PITPNM2: variants seen among roughly 807,000 people sequenced by gnomAD.
PITPNM2 encodes phosphatidylinositol transfer protein membrane associated 2.
In PITPNM2, 35 loss-of-function variants were observed where a neutral mutation model predicts 132.2. The observed-to-expected ratio is 0.26, with a 90% CI of 0.20 to 0.35. The LOEUF (loss-of-function observed/expected upper bound fraction) is 0.35, where lower values mean the gene tolerates loss of function less well. Among genes scored for constraint, PITPNM2 ranks in the 10% least tolerant of loss-of-function variants. PITPNM2 has a pLI of 1.00. For synonymous variants in PITPNM2, 738 were observed against 799.2 expected, an observed-to-expected ratio of 0.92 and a Z score of 1.29; for missense variants, 1,332 against 1,912.0, an observed-to-expected ratio of 0.70 and a Z score of 5.66.
At chr12:123,017,982 C>T (rs2039493135) in intron 3 of PITPNM2, among the ~76,000 whole-genome samples, 1 of 121,558 alleles carries the variant, frequency 8.2e-6, no homozygotes, top group Non-Finnish European at 1.7e-5. Flanking sequence ...CTTTCTCTCA[C>T]TTTTCCTTCC....
At position 123,000,741 on chromosome 12, in the gene PITPNM2, G is replaced by A. The variant is rs766070797; in HGVS notation, c.1224+37C>T. The A allele has an allele frequency of 3.1e-6, 5 of 1,607,026 alleles. No homozygotes were observed. Among genetic ancestry groups the A allele is most frequent in the East Asian group, 4.5e-5 (2 of 44,846 alleles). On this transcript the variant is annotated intron_variant, in intron 10 of 25. Coordinates refer to ENST00000320201, the MANE Select transcript of PITPNM2 (RefSeq NM_020845.3). The surrounding 1 kb of genome is among the most constrained non-coding windows in gnomAD (Gnocchi z 5.4). The stretch of plus-strand genomic sequence containing the variant: ...CTCTGCACCCTGCCCCTCCCTTGGC[G>A]GCCATGCCCCTGTCCCTCTGACACC...
intron 2 of PITPNM2, among the ~76,000 whole-genome samples, chr12:123,041,640 A>G (rs2040479463): frequency 6.6e-6 from 1 of 152,106 alleles, no homozygotes; most frequent in Non-Finnish European, 1.5e-5. Flanking sequence ...ACAGACACAC[A>G]TTTCATCTCG....
chr12:123,059,754 C>T (rs2041171027), intron 2 of PITPNM2, among the ~76,000 whole-genome samples: 1 of 152,118 alleles, frequency 6.6e-6, no homozygotes, highest in Non-Finnish European at 1.5e-5. Context: ...TATGAAACAT[C>T]CGGAATAGAC....
rs1397960761 is a variant in PITPNM2 at position 123,117,694 on chromosome 12, C to T, written c.-199-7206G>A. On this transcript the variant is annotated intron_variant, in intron 1 of 25. Coordinates refer to ENST00000320201, the MANE Select transcript of PITPNM2 (RefSeq NM_020845.3). The surrounding 1 kb of genome is among the most constrained non-coding windows in gnomAD (Gnocchi z 4.7). Reference sequence around the variant, plus strand: ...AGAAGTGCTCACTGGGCTCCTCAGACGTGTGCCCCTGGAGCCCTGCTCTGC... The same window carrying T: ...AGAAGTGCTCACTGGGCTCCTCAGATGTGTGCCCCTGGAGCCCTGCTCTGC... Among the ~76,000 whole-genome samples the T allele has an allele frequency of 2.0e-5, 3 of 152,208 alleles. No homozygotes were observed. Among genetic ancestry groups the T allele is most frequent in the East Asian group, 1.9e-4 (1 of 5,204 alleles).
At chr12:122,990,478 G>C in intron 17 of PITPNM2, 67 bp downstream of exon 17, 1 of 1,580,112 alleles carries the variant, frequency 6.3e-7, no homozygotes, top group Non-Finnish European at 8.6e-7. Context: ...GACATGGCCA[G>C]CAGCTGTCCC....
rs530853275 is a variant in PITPNM2 at position 123,097,022 on chromosome 12, ATTATTTAT to A, written c.-96+13355_-96+13362del. ...CCTGCCATCTCTCTTTATTTTTATTATTATTTATTTATTTATTTATTTTTAATTTATTT... is the reference window on the plus strand; with the variant it reads ...CCTGCCATCTCTCTTTATTTTTATTATTATTTATTTATTTTTAATTTATTT... On this transcript the variant is annotated intron_variant, in intron 2 of 25. Coordinates refer to ENST00000320201, the MANE Select transcript of PITPNM2 (RefSeq NM_020845.3). This position sits in a 1 kb window ranked among gnomAD's most constrained non-coding sequence, Gnocchi z 4.7. Among the ~76,000 whole-genome samples the A allele has an allele frequency of 3.3e-5, 5 of 151,708 alleles. No homozygotes were observed. The highest frequency in any genetic ancestry group is 5.9e-5 in the Non-Finnish European group (4 of 67,954).
rs1011087145 is a variant in PITPNM2, at chr12:123,009,751, C to T, written c.643+99G>A. The T allele has an allele frequency of 1.7e-6, 2 of 1,180,154 alleles. No homozygotes were observed. The highest frequency in any genetic ancestry group is 1.2e-6 in the Non-Finnish European group (1 of 802,686). The allele number at this position is 1,180,154 out of a possible 1,614,324, so 73.1% of individuals were successfully genotyped here. A position where few individuals can be genotyped will look rare whatever the true frequency, so the allele number is the denominator to read the frequency against. On this transcript the variant is annotated intron_variant, in intron 6 of 25. Coordinates refer to ENST00000320201, the MANE Select transcript of PITPNM2 (RefSeq NM_020845.3). This position sits in a 1 kb window ranked among gnomAD's most constrained non-coding sequence, Gnocchi z 4.8. ...CAGAACAAAACAGAAACGCAGACTCCCAGGCAGACATGCAAAGAGAGGAGG... is the reference window on the plus strand; with the variant it reads ...CAGAACAAAACAGAAACGCAGACTCTCAGGCAGACATGCAAAGAGAGGAGG...
chr12:123,017,899 G>A (rs1336199370), intron 3 of PITPNM2, among the ~76,000 whole-genome samples: 1 of 152,090 alleles, frequency 6.6e-6, no homozygotes, highest in Non-Finnish European at 1.5e-5. Flanking sequence ...AATGGGCGCA[G>A]GGCCCTCCCT....
At chr12:123,102,670 C>A (rs1274915595) in intron 2 of PITPNM2, among the ~76,000 whole-genome samples, 1 of 152,198 alleles carries the variant, frequency 6.6e-6, no homozygotes, top group Admixed American at 6.5e-5. Flanking sequence ...CTGAATCCCA[C>A]TAGCCACAGG....
chr12:123,007,872 T>G (rs550821252), intron 6 of PITPNM2, among the ~76,000 whole-genome samples: 1 of 151,590 alleles, frequency 6.6e-6, no homozygotes, highest in East Asian at 2.0e-4. Context: ...CCCCCAGGAG[T>G]TGCCTCCTCA....
intron 2 of PITPNM2, among the ~76,000 whole-genome samples, chr12:123,041,104 C>T (rs367907104): frequency 5.3e-5 from 8 of 152,336 alleles, no homozygotes; most frequent in African/African-American, 1.9e-4. Context: ...CACCTGTTAG[C>T]TGTGACAGTG....
chr12:123,130,117 C>T (rs982800825), intron 1 of PITPNM2, among the ~76,000 whole-genome samples: 6 of 152,044 alleles, frequency 3.9e-5, no homozygotes, highest in Non-Finnish European at 7.4e-5. Context: ...GTCGCCCAGG[C>T]CAGTAGTACT....
chr12:123,121,897 C>T (rs1765931692), intron 1 of PITPNM2, among the ~76,000 whole-genome samples: 1 of 152,108 alleles, frequency 6.6e-6, no homozygotes, highest in South Asian at 2.1e-4. Context: ...CTCTGTCACC[C>T]AGGCTGGAGT....
chr12:123,124,118 T>A (rs1268163257), intron 1 of PITPNM2, among the ~76,000 whole-genome samples: 2 of 151,666 alleles, frequency 1.3e-5, no homozygotes, highest in African/African-American at 4.8e-5. Context: ...TAGCCTGGCG[T>A]GGTGGCAGAT....
intron 8 of PITPNM2, among the ~76,000 whole-genome samples, chr12:123,001,361 T>C (rs1425677199): frequency 6.6e-6 from 1 of 152,180 alleles, no homozygotes; most frequent in East Asian, 1.9e-4. Flanking sequence ...ATTTATAAAG[T>C]GGCATTTAGT....
intron 1 of PITPNM2, among the ~76,000 whole-genome samples, chr12:123,147,139 C>T (rs1427993593): frequency 6.6e-6 from 1 of 152,166 alleles, no homozygotes; most frequent in African/African-American, 2.4e-5. Context: ...ACCCATTCTT[C>T]AAGCCCCCTT....
chr12:123,054,108 T>G (rs1447584737), intron 2 of PITPNM2, among the ~76,000 whole-genome samples: 1 of 152,156 alleles, frequency 6.6e-6, no homozygotes, highest in East Asian at 1.9e-4. Flanking sequence ...TTATTTATAA[T>G]TTTTTATTTT....
intron 1 of PITPNM2, among the ~76,000 whole-genome samples, chr12:123,132,007 T>C (rs1566305540): frequency 6.6e-6 from 1 of 152,246 alleles, no homozygotes; most frequent in African/African-American, 2.4e-5. Flanking sequence ...TCAGGCTGTC[T>C]GCATGAGGCC....
In PITPNM2 at chr12:122,995,433, G is replaced by A. The variant is rs2038381768; in HGVS notation, c.2010C>T (p.Thr670=). ...GCTGCTGGATGGTATCCAGCTCGTA[G>A]GTGGATGAGTCGCTCCTCTTGCGGG... is the stretch of plus-strand genomic sequence containing the variant. The part of the protein sequence containing the change: ...QLPRKRSDSS[T]YELDTIQQHQ... Residue 670 remains threonine (T), a synonymous_variant, in exon 14 of 26, where the codon ACC becomes ACT. Coordinates refer to ENST00000320201, the MANE Select transcript of PITPNM2 (RefSeq NM_020845.3). 2 of 1,613,272 alleles carry A rather than the reference G, an allele frequency of 1.2e-6. No individual in the cohort carries two copies. Among genetic ancestry groups the A allele is most frequent in the African/African-American group, 1.3e-5 (1 of 75,064 alleles).
Sources: allele counts gnomAD v4.1 joint callset (sites outside exome capture counted in the v4.1 genomes callset), GRCh38; gene constraint gnomAD v4.1.1; non-coding constraint Gnocchi (gnomAD v3.1); transcripts MANE v1.5; gene names NCBI Gene and HGNC (gene_info 2026-07-23, HGNC 2026-07-21).